The following TET3 variants were observed in gnomAD, a reference collection of about 807,000 sequenced individuals.
TET3 encodes the protein tet methylcytosine dioxygenase 3, also known as methylcytosine dioxygenase TET3.
A neutral mutation model predicts 141.4 loss-of-function variants in TET3; 19 were observed. The observed-to-expected ratio is 0.13, with a 90% CI of 0.09 to 0.20. The LOEUF is 0.20. Among genes scored for constraint, TET3 ranks in the 10% least tolerant of loss-of-function variants. TET3 has a pLI of 1.00. For synonymous variants in TET3, 1,043 were observed against 980.9 expected, an observed-to-expected ratio of 1.06 and a Z score of -1.18; for missense variants, 1,874 against 2,356.9, an observed-to-expected ratio of 0.80 and a Z score of 4.24.
chr2:73,987,515 G>A (rs1037833748), intron 2 of TET3, among the ~76,000 whole-genome samples: 1 of 152,180 alleles, frequency 6.6e-6, no homozygotes, highest in Non-Finnish European at 1.5e-5. Context: ...GCGGACTGCC[G>A]GCTTGAGGTT....
Position 74,047,214 on chromosome 2 carries a change from T to C in TET3, c.1297T>C (p.Phe433Leu), listed in dbSNP as rs1687678087. 2.5e-6 allele frequency: 4 copies of C among 1,613,954 alleles called. No individual in the cohort carries two copies. The African/African-American group carries it at 5.3e-5, about 22-fold the overall frequency. ...AFPPATPRTE[F>L]PEAWGTDTPP... ...CCCTCCAGCAACTCCTAGAACTGAG[T>C]TCCCTGAAGCCTGGGGCACTGACAC... Residue 433 changes from phenylalanine (F) to leucine (L), a missense_variant, in exon 4 of 12, where the codon TTC becomes CTC. Coordinates refer to ENST00000409262, the MANE Select transcript of TET3 (RefSeq NM_001287491.2).
chr2:74,008,730 C>A (rs1220826473), intron 3 of TET3, among the ~76,000 whole-genome samples: 1 of 151,802 alleles, frequency 6.6e-6, no homozygotes, highest in African/African-American at 2.4e-5. Context: ...TTCTTCTATT[C>A]TGGCTGCCTT....
In TET3 at chr2:74,046,570, C is replaced by T; in HGVS notation, c.653C>T (p.Thr218Ile). The T allele has an allele frequency of 6.2e-7, 1 of 1,614,028 alleles. No homozygotes were observed. Among genetic ancestry groups the T allele is most frequent in the Non-Finnish European group, 8.5e-7 (1 of 1,179,868 alleles). The change falls in exon 4 of 12, where the codon ACC (threonine) becomes ATC (isoleucine). Residue 218 changes from threonine (T) to isoleucine (I), a missense_variant. Around this residue, in one of 10 missense-constraint regions of TET3, gnomAD observed 366 missense variants for 487.0 expected, o/e 0.75. Transcript: ENST00000409262. The surrounding 1 kb of genome is among the most constrained non-coding windows in gnomAD (Gnocchi z 4.3). ...GTGTCCTCTTATGGGGCCCTTAGCA[C>T]CCGGCTCTATGAAACCTTCAACCGT... Reference protein sequence around the residue: ...EAVSSYGALSTRLYETFNREM... With the variant: ...EAVSSYGALSIRLYETFNREM...
rs747841136 is a variant in TET3, at chr2:74,100,605, A to T, written c.3817A>T (p.Asn1273Tyr). ...TGCACAGCCCAGCCTGACCTCCGTC[A>T]ATGGCTTCCACTCCAAGTACGCTCT... ...YYAQPSLTSV[N>Y]GFHSKYALPS... Residue 1273 changes from asparagine (N) to tyrosine (Y), a missense_variant, in exon 12 of 12, where the codon AAT becomes TAT. Coordinates refer to ENST00000409262, the MANE Select transcript of TET3 (RefSeq NM_001287491.2). 6 of 1,613,782 alleles carry T rather than the reference A, an allele frequency of 3.7e-6. 1 individual carries two copies. The East Asian group carries it at 1.1e-4, about 30-fold the overall frequency.
At chr2:74,031,097 A>G (rs1686660098) in intron 3 of TET3, among the ~76,000 whole-genome samples, 1 of 152,112 alleles carries the variant, frequency 6.6e-6, no homozygotes, top group South Asian at 2.1e-4. Flanking sequence ...AGTCAAGGAA[A>G]AAGGAAACTT....
intron 4 of TET3, among the ~76,000 whole-genome samples, chr2:74,070,235 A>G (rs1173641823): frequency 4.6e-5 from 7 of 152,194 alleles, no homozygotes; most frequent in Non-Finnish European, 2.9e-5. Flanking sequence ...AAAGAGGTTT[A>G]ATGGACTCAC....
intron 5 of TET3, among the ~76,000 whole-genome samples, chr2:74,074,151 T>C (rs1467228889): frequency 6.6e-6 from 1 of 152,248 alleles, no homozygotes; most frequent in Non-Finnish European, 1.5e-5. Flanking sequence ...CTAAATCCTT[T>C]GGACAGGATC....
At position 74,046,449 on chromosome 2, in the gene TET3, C is replaced by A. The variant is rs1687624174; in HGVS notation, c.532C>A (p.Gln178Lys). 7 of 1,606,122 alleles carry A rather than the reference C, an allele frequency of 4.4e-6. No homozygotes were observed. Among genetic ancestry groups the A allele is most frequent in the African/African-American group, 1.3e-5 (1 of 74,772 alleles). ...LGTGGPWRVD[Q>K]KPDWEAAPGP... ...GACTGGGGGTCCTTGGCGGGTAGAC[C>A]AAAAGCCCGACTGGGAGGCTGCCCC... Residue 178 changes from glutamine (Q) to lysine (K), a missense_variant, in exon 4 of 12, where the codon CAA (glutamine) becomes AAA (lysine). Physicochemically the swap from Gln to Lys is moderately conservative, Grantham distance 53 (BLOSUM62 1). Transcript: ENST00000409262. This position sits in a 1 kb window ranked among gnomAD's most constrained non-coding sequence, Gnocchi z 4.3.
intron 3 of TET3, among the ~76,000 whole-genome samples, chr2:74,043,793 CCCA>C (rs967951324): frequency 3.3e-5 from 5 of 152,280 alleles, no homozygotes; most frequent in African/African-American, 1.2e-4. Flanking sequence ...ACCCTAGTTT[CCCA>C]CCACACTTAG....
At chr2:74,049,713 T>A (rs1687837406) in intron 4 of TET3, among the ~76,000 whole-genome samples, 1 of 152,086 alleles carries the variant, frequency 6.6e-6, no homozygotes, top group South Asian at 2.1e-4. Context: ...TGTTTCCCGG[T>A]CAGTAGGGAG....
intron 3 of TET3, among the ~76,000 whole-genome samples, chr2:74,045,158 C>T (rs190757442): frequency 2.0e-5 from 3 of 152,236 alleles, no homozygotes; most frequent in African/African-American, 4.8e-5. Context: ...TTAAGTCATC[C>T]GCAATGTCTT....
chr2:74,077,707 C>T (rs1689587806), intron 5 of TET3, among the ~76,000 whole-genome samples: 1 of 152,182 alleles, frequency 6.6e-6, no homozygotes, highest in Non-Finnish European at 1.5e-5. Flanking sequence ...CACTGCAGGA[C>T]ATGTTTCTCA....
intron 2 of TET3, chr2:73,993,425 C>G (rs1037934739): frequency 6.6e-6 from 1 of 152,224 alleles, no homozygotes; most frequent in African/African-American, 2.4e-5. Context: ...TTAACCAGAT[C>G]CCCAGGTGAT....
chr2:74,040,713 A>G (rs1327114688), intron 3 of TET3, among the ~76,000 whole-genome samples: 1 of 152,156 alleles, frequency 6.6e-6, no homozygotes, highest in Admixed American at 6.5e-5. Flanking sequence ...GTGGTTTGAC[A>G]CCAGCCTGGA....
Position 74,100,475 on chromosome 2 carries a change from C to A in TET3, c.3687C>A (p.Phe1229Leu). 6.3e-7 allele frequency: 1 copy of A among 1,594,278 alleles called. No individual in the cohort carries two copies. The highest frequency in any genetic ancestry group is 2.3e-5 in the East Asian group (1 of 43,726). The change falls in exon 12 of 12, where the codon TTC becomes TTA. Residue 1229 changes from phenylalanine to leucine, a missense_variant. Coordinates refer to ENST00000409262, the MANE Select transcript of TET3 (RefSeq NM_001287491.2). ...AGCCGCAGAACCACTTCAGCTCCTT[C>A]AAGTACAGCGGCAACGCGGTGGTGG... ...KVEPQNHFSS[F>L]KYSGNAVVES...
chr2:74,080,469 C>G (rs1689747100), intron 5 of TET3, 29 bp from the exon 6 acceptor site: 3 of 1,596,476 alleles, frequency 1.9e-6, no homozygotes, highest in African/African-American at 2.7e-5. Flanking sequence ...TTCTGCTGTG[C>G]TAATGGTGGC....
At chr2:74,063,041 G>A (rs555510684) in intron 4 of TET3, among the ~76,000 whole-genome samples, 4 of 151,760 alleles carry the variant, frequency 2.6e-5, no homozygotes, top group African/African-American at 4.8e-5. Context: ...GCACCACCAC[G>A]CCTGGCTAAT....
chr2:74,105,668 GTT>G lies in TET3; in HGVS notation c.*3494_*3495del. 1 of 318,786 alleles carries G rather than the reference GTT, an allele frequency of 3.1e-6. No homozygotes were observed. Among genetic ancestry groups the G allele is most frequent in the East Asian group, 4.9e-5 (1 of 20,594 alleles). 19.7% of individuals were successfully genotyped at this position (318,786 alleles called of 1,614,324 possible). On this transcript the variant is annotated 3_prime_UTR_variant, in exon 12 of 12. Coordinates refer to ENST00000409262, the MANE Select transcript of TET3 (RefSeq NM_001287491.2). ...CCACCAGCCTCTTTTGGGAACAGTAGTTTGCAGAGCAAGGGATTTTTAAAGCG... is the reference window on the plus strand; with the variant it reads ...CCACCAGCCTCTTTTGGGAACAGTAGTGCAGAGCAAGGGATTTTTAAAGCG...
rs1452443029 is a variant in TET3, at chr2:74,048,098, C to G, written c.2181C>G (p.Pro727=). Residue 727 remains proline (P), a synonymous_variant, in exon 4 of 12, where the codon CCC becomes CCG. Transcript: ENST00000409262. ...EFGDSFGLPG[P]PSVPIQDPEN... ...GAGATAGCTTTGGGCTTCCCGGCCCCCCTTCTGTGCCCATTCAGGACCCCG... is the reference window on the plus strand; with the variant it reads ...GAGATAGCTTTGGGCTTCCCGGCCCGCCTTCTGTGCCCATTCAGGACCCCG... The G allele has an allele frequency of 2.5e-6, 4 of 1,613,556 alleles. No homozygotes were observed. In the Admixed American group the frequency reaches 6.7e-5, roughly 27 times the overall value.
Sources: gnomAD v4.1 joint callset for allele counts (sites outside exome capture counted in the v4.1 genomes callset) on GRCh38, gnomAD v4.1.1 for gene constraint, gnomAD v4.1.1 regional missense constraint, Gnocchi (gnomAD v3.1) non-coding constraint, MANE v1.5 for transcripts, NCBI Gene and HGNC (gene_info 2026-07-23, HGNC 2026-07-21) for gene names.